CTNNA3: variants seen among roughly 807,000 people sequenced by gnomAD.
CTNNA3 encodes catenin alpha-3.
CTNNA3 carries 76 observed loss-of-function variants against 95.7 expected under a neutral mutation model. The observed-to-expected ratio is 0.79, with a 90% confidence interval of 0.66 to 0.96. The LOEUF is 0.96. Ranked by LOEUF, CTNNA3 falls within the 40% of genes least tolerant of loss-of-function variation. CTNNA3 has a pLI of 0.00. For missense variants in CTNNA3, 1,191 were observed against 1,089.8 expected (o/e 1.09, Z -1.31); for synonymous variants, 431 against 374.4 (o/e 1.15, Z -1.74).
At chr10:67,175,242 C>A (rs142784671) in intron 7 of CTNNA3, among the ~76,000 whole-genome samples, 1,607 of 152,026 alleles carry the variant, frequency 0.011, 15 homozygotes, top group Middle Eastern at 0.024. Context: ...TTCAAAAAGC[C>A]ATTGCATATT....
intron 11 of CTNNA3, among the ~76,000 whole-genome samples, chr10:66,448,571 G>C (rs543206523): frequency 2.0e-5 from 3 of 151,444 alleles, no homozygotes; most frequent in Admixed American, 6.6e-5. Context: ...GCAAACTCTC[G>C]CAAGGACAAA....
At chr10:67,628,943 G>T (rs1287470570) in intron 2 of CTNNA3, among the ~76,000 whole-genome samples, 1 of 151,286 alleles carries the variant, frequency 6.6e-6, no homozygotes, top group Non-Finnish European at 1.5e-5. Flanking sequence ...GACAAATAAA[G>T]GTTTCTGACA....
chr10:66,685,284 A>T (rs5016554), intron 9 of CTNNA3, among the ~76,000 whole-genome samples: 38,487 of 72,520 alleles, frequency 0.53, 9,822 homozygotes, highest in African/African-American at 0.58. Flanking sequence ...CGTATATATA[A>T]GTATATATAT....
intron 7 of CTNNA3, among the ~76,000 whole-genome samples, chr10:66,812,111 G>A (rs1451883809): frequency 6.6e-6 from 1 of 152,004 alleles, no homozygotes; most frequent in African/African-American, 2.4e-5. Flanking sequence ...GTACCAACAT[G>A]GGAAAATTCT....
chr10:67,275,950 C>T (rs1839168788), intron 5 of CTNNA3, among the ~76,000 whole-genome samples: 5 of 152,086 alleles, frequency 3.3e-5, no homozygotes, highest in Admixed American at 3.3e-4. Context: ...CCGAATGGCA[C>T]TGAGCATAGT....
At chr10:66,936,153 T>A (rs1245058205) in intron 7 of CTNNA3, among the ~76,000 whole-genome samples, 1 of 152,192 alleles carries the variant, frequency 6.6e-6, no homozygotes, top group Admixed American at 6.6e-5. Context: ...CATATATTTT[T>A]ATGGGCTTTA....
At chr10:67,483,083 G>C (rs1167317089) in intron 5 of CTNNA3, among the ~76,000 whole-genome samples, 2 of 151,956 alleles carry the variant, frequency 1.3e-5, no homozygotes, top group East Asian at 3.9e-4. Flanking sequence ...TCTCACACCA[G>C]TTAGAATGGC....
intron 11 of CTNNA3, among the ~76,000 whole-genome samples, chr10:66,496,232 T>C (rs1840094323): frequency 6.6e-6 from 1 of 152,134 alleles, no homozygotes; most frequent in Non-Finnish European, 1.5e-5. Flanking sequence ...ATCATTCTAA[T>C]ACCAAAATGT....
intron 12 of CTNNA3, among the ~76,000 whole-genome samples, chr10:66,360,202 T>TG (rs1273747410): frequency 7.2e-5 from 11 of 152,154 alleles, no homozygotes; most frequent in Admixed American, 3.3e-4. Context: ...CTGAACTTTT[T>TG]TTTTTTTAAA....
Position 66,360,596 on chromosome 10 carries a change from C to CTTCTTTCTTTCTTTCTTTCTCT in CTNNA3, c.1732+18555_1732+18556insAGAGAAAGAAAGAAAGAAAGAA, listed in dbSNP as rs2092646773. ...AGGCTTACCTCTAATGTATTCTTTC[C>CTTCTTTCTTTCTTTCTTTCTCT]TTCTTTCTTTCTTTCTTTCTTTCTT... On this transcript the variant is annotated intron_variant, in intron 12 of 17. Transcript: ENST00000433211. 1.7e-3 allele frequency among the ~76,000 whole-genome samples: 157 copies of CTTCTTTCTTTCTTTCTTTCTCT among 94,168 alleles called. 36 individuals are homozygous for CTTCTTTCTTTCTTTCTTTCTCT. The highest frequency in any genetic ancestry group is 8.2e-3 in the South Asian group (25 of 3,040). 61.8% of individuals were successfully genotyped at this position (94,168 alleles called of 152,430 possible).
chr10:66,146,715 C>T (rs1337647503), intron 13 of CTNNA3, among the ~76,000 whole-genome samples: 1 of 152,106 alleles, frequency 6.6e-6, no homozygotes, highest in East Asian at 1.9e-4. Flanking sequence ...CACCACCATG[C>T]CCAGCTAATT....
intron 5 of CTNNA3, among the ~76,000 whole-genome samples, chr10:67,443,810 AT>A (rs1846630988): frequency 6.6e-6 from 1 of 152,018 alleles, no homozygotes; most frequent in Non-Finnish European, 1.5e-5. Flanking sequence ...ATTAGATCCC[AT>A]TTGTCAATTT....
chr10:66,779,515 C>A (rs543969604), intron 7 of CTNNA3, among the ~76,000 whole-genome samples: 1 of 150,098 alleles, frequency 6.7e-6, no homozygotes, highest in East Asian at 1.9e-4. Context: ...TACCACCATG[C>A]CTGGCTTATT....
intron 13 of CTNNA3, among the ~76,000 whole-genome samples, chr10:66,219,003 T>G (rs186646759): frequency 3.9e-4 from 60 of 152,302 alleles, no homozygotes; most frequent in African/African-American, 1.3e-3. Context: ...GAAATACCTA[T>G]AGTGGTTATT....
intron 7 of CTNNA3, chr10:66,928,318 T>G: frequency 1.9e-6 from 3 of 1,614,012 alleles, no homozygotes; most frequent in Middle Eastern, 3.3e-4. Flanking sequence ...GAAAAGACAG[T>G]CCCTAAAGCA....
intron 11 of CTNNA3, among the ~76,000 whole-genome samples, chr10:66,507,909 AT>A (rs1406410742): frequency 4.0e-5 from 6 of 151,674 alleles, no homozygotes; most frequent in Non-Finnish European, 8.8e-5. Flanking sequence ...TGTTTTTAGC[AT>A]TTTGAGAAAC....
At chr10:66,987,307 A>C (rs1850785770) in intron 7 of CTNNA3, among the ~76,000 whole-genome samples, 1 of 152,192 alleles carries the variant, frequency 6.6e-6, no homozygotes, top group Non-Finnish European at 1.5e-5. Flanking sequence ...TTAGAGAGAC[A>C]GTTATAAGAG....
intron 7 of CTNNA3, among the ~76,000 whole-genome samples, chr10:66,819,860 G>C (rs988607889): frequency 6.6e-6 from 1 of 152,056 alleles, no homozygotes; most frequent in Non-Finnish European, 1.5e-5. Context: ...GTGGAAAATG[G>C]GAAACCTTGC....
intron 4 of CTNNA3, among the ~76,000 whole-genome samples, chr10:67,531,279 C>T (rs983795060): frequency 5.9e-5 from 9 of 152,134 alleles, no homozygotes; most frequent in Admixed American, 5.9e-4. Context: ...CTGGAAAAGC[C>T]GCAGACACTC....
Sources: gnomAD v4.1 joint callset for allele counts (sites outside exome capture counted in the v4.1 genomes callset) on GRCh38, gnomAD v4.1.1 for gene constraint, MANE v1.5 for transcripts, NCBI Gene and HGNC (gene_info 2026-07-23, HGNC 2026-07-21) for gene names.